The following CALD1 variants were observed in gnomAD, a reference collection of about 807,000 sequenced individuals.
CALD1 encodes the protein caldesmon.
A neutral mutation model predicts 99.9 loss-of-function variants in CALD1; 33 were observed. The ratio of observed to expected loss-of-function variants is 0.33; its 90% CI spans 0.25 to 0.44. CALD1 has a LOEUF of 0.44. CALD1 is among the 20% of genes least tolerant of loss of function. The pLI is 1.00. For missense variants in CALD1, 861 were observed against 962.1 expected (o/e 0.89, Z 1.39); for synonymous variants, 310 against 325.0 (o/e 0.95, Z 0.50).
intron 1 of CALD1, among the ~76,000 whole-genome samples, chr7:134,761,237 G>A (rs551273711): frequency 6.6e-6 from 1 of 152,168 alleles, no homozygotes; most frequent in East Asian, 1.9e-4. Context: ...CCAACCCCCT[G>A]CTCCAACCCA....
intron 3 of CALD1, among the ~76,000 whole-genome samples, chr7:134,884,382 A>G (rs889415556): frequency 6.6e-6 from 1 of 152,108 alleles, no homozygotes; most frequent in African/African-American, 2.4e-5. Flanking sequence ...CTTTGCTCTG[A>G]CTTCACACTC....
At chr7:134,831,353 T>C (rs888138597) in intron 1 of CALD1, among the ~76,000 whole-genome samples, 1 of 152,142 alleles carries the variant, frequency 6.6e-6, no homozygotes, top group Non-Finnish European at 1.5e-5. Context: ...GGAGTCTTCC[T>C]CTGTTGCCCG....
intron 1 of CALD1, among the ~76,000 whole-genome samples, chr7:134,760,191 G>A (rs1436257598): frequency 6.6e-6 from 1 of 152,158 alleles, no homozygotes; most frequent in East Asian, 1.9e-4. Flanking sequence ...AGATTACAGA[G>A]GGACTTATAG....
intron 3 of CALD1, among the ~76,000 whole-genome samples, chr7:134,873,192 A>G (rs1031005727): frequency 1.5e-5 from 2 of 135,490 alleles, no homozygotes; most frequent in African/African-American, 5.8e-5. Flanking sequence ...ACAAACAAAC[A>G]AACAAACAAA....
intron 6 of CALD1, among the ~76,000 whole-genome samples, chr7:134,940,004 G>C (rs1423756964): frequency 1.3e-5 from 2 of 152,008 alleles, no homozygotes; most frequent in Admixed American, 1.3e-4. Context: ...TCTTCACAGA[G>C]TATCTGAAGA....
chr7:134,881,279 T>C (rs1014575711), intron 3 of CALD1, among the ~76,000 whole-genome samples: 4 of 152,188 alleles, frequency 2.6e-5, no homozygotes, highest in Non-Finnish European at 5.9e-5. Flanking sequence ...TCTGGAAACC[T>C]TGTCATTTTC....
In CALD1 at chr7:134,878,601, C is replaced by T. The variant is rs566388334; in HGVS notation, c.71+10797C>T. 2.6e-5 allele frequency among the ~76,000 whole-genome samples: 4 copies of T among 152,070 alleles called. No individual in the cohort carries two copies. In the South Asian group the frequency reaches 6.2e-4, roughly 24 times the overall value. The stretch of plus-strand genomic sequence containing the variant: ...AATAAAAATAAACACACAAGATAAA[C>T]GTTCTTATGCTGTCTAAAGCTGCAA... On this transcript the variant is annotated intron_variant, in intron 3 of 14. Transcript: ENST00000361675.
intron 8 of CALD1, among the ~76,000 whole-genome samples, chr7:134,950,004 G>A (rs930084044): frequency 2.0e-5 from 3 of 152,182 alleles, no homozygotes; most frequent in Non-Finnish European, 4.4e-5. Flanking sequence ...GCATGATGTG[G>A]CCCCTGGGCC....
At chr7:134,939,755 G>C (rs544874878) in intron 6 of CALD1, among the ~76,000 whole-genome samples, 4 of 152,096 alleles carry the variant, frequency 2.6e-5, no homozygotes, top group Non-Finnish European at 5.9e-5. Context: ...TTGAGGTCAG[G>C]AGTTTGAGAC....
chr7:134,926,378 AC>A (rs1414456496), intron 3 of CALD1, among the ~76,000 whole-genome samples: 4 of 152,206 alleles, frequency 2.6e-5, no homozygotes, highest in Non-Finnish European at 5.9e-5. Flanking sequence ...TCCATTATCA[AC>A]TATATCACAT....
upstream of CALD1, among the ~76,000 whole-genome samples, chr7:134,741,625 A>G (rs139527032): frequency 2.6e-3 from 396 of 152,296 alleles, 3 homozygotes; most frequent in African/African-American, 8.8e-3. Flanking sequence ...TGCCCAATGC[A>G]TATTTAAAAA....
intron 3 of CALD1, among the ~76,000 whole-genome samples, chr7:134,921,048 G>A (rs1804583765): frequency 6.6e-6 from 1 of 152,224 alleles, no homozygotes; most frequent in South Asian, 2.1e-4. Flanking sequence ...AAAAAAGTTT[G>A]AAGGTGACAA....
chr7:134,944,789 G>A (rs1003881015), intron 7 of CALD1, among the ~76,000 whole-genome samples: 3 of 152,110 alleles, frequency 2.0e-5, no homozygotes, highest in African/African-American at 7.2e-5. Flanking sequence ...GTCTCTTAAA[G>A]ACTACTTATA....
chr7:134,798,996 T>A (rs1797849651), intron 1 of CALD1, among the ~76,000 whole-genome samples: 1 of 152,220 alleles, frequency 6.6e-6, no homozygotes, highest in African/African-American at 2.4e-5. Flanking sequence ...TGTTTCACTT[T>A]CATTAACAAA....
intron 13 of CALD1, chr7:134,961,766 G>A (rs1227745952): frequency 1.3e-5 from 2 of 152,110 alleles, no homozygotes; most frequent in South Asian, 4.2e-4. Flanking sequence ...ACAAGAATGC[G>A]GGTTTATAAA....
chr7:134,747,635 A>G (rs1228907060), intron 1 of CALD1, among the ~76,000 whole-genome samples: 1 of 152,190 alleles, frequency 6.6e-6, no homozygotes. Context: ...GCCTTATATC[A>G]GGGGCTCTAC....
intron 1 of CALD1, chr7:134,744,457 G>GTGTA (rs1410311555): frequency 2.8e-5 from 4 of 142,108 alleles, no homozygotes; most frequent in African/African-American, 1.2e-4. Context: ...AGTCGTGTGT[G>GTGTA]TGTGTGTGTG....
intron 1 of CALD1, among the ~76,000 whole-genome samples, chr7:134,753,881 T>A (rs377502976): frequency 6.6e-6 from 1 of 152,200 alleles, no homozygotes; most frequent in East Asian, 1.9e-4. Flanking sequence ...CTTCTGAGTA[T>A]TTGCCCACTC....
At chr7:134,953,207 G>A (rs778709063) in intron 9 of CALD1, among the ~76,000 whole-genome samples, 34 of 152,040 alleles carry the variant, frequency 2.2e-4, no homozygotes, top group South Asian at 4.2e-4. Context: ...GGCCAGGTGC[G>A]GTGGCTCACA....
Sources: gnomAD v4.1 joint callset for allele counts (sites outside exome capture counted in the v4.1 genomes callset) on GRCh38, gnomAD v4.1.1 for gene constraint, MANE v1.5 for transcripts, NCBI Gene and HGNC (gene_info 2026-07-23, HGNC 2026-07-21) for gene names.